The following MICU2 variants were observed in gnomAD, a reference collection of about 807,000 sequenced individuals.
MICU2 encodes the protein calcium uptake protein 2, mitochondrial.
MICU2 carries 64 observed loss-of-function variants against 60.4 expected under a neutral mutation model. The observed-to-expected ratio is 1.06, with a 90% CI of 0.87 to 1.31. The LOEUF (loss-of-function observed/expected upper bound fraction) is 1.31. Ranked by LOEUF, MICU2 falls within the 50% of genes most tolerant of loss-of-function variation. The pLI, the probability that MICU2 is intolerant of heterozygous loss-of-function variation, is 0.00. For synonymous variants in MICU2, 201 were observed against 175.0 expected (o/e 1.15, Z -1.17); for missense variants, 569 against 531.0 (o/e 1.07, Z -0.70).
chr13:21,493,192 A>G lies in MICU2; in HGVS notation c.*57T>C. ...GAAGATAAATAGCAAGTACTTCTAA[A>G]AAATCACAAATTTTGACATTTGGAA... On this transcript the variant is annotated 3_prime_UTR_variant, in exon 12 of 12. Transcript: ENST00000382374. The G allele has an allele frequency of 1.6e-6, 2 of 1,252,478 alleles. No homozygotes were observed. Among genetic ancestry groups the G allele is most frequent in the Non-Finnish European group, 2.2e-6 (2 of 901,376 alleles). The allele number at this position is 1,252,478 out of a possible 1,614,324, so 77.6% of individuals were successfully genotyped here.
chr13:21,573,556 GCCACTGCGCCCAGC>G, intron 1 of MICU2, among the ~76,000 whole-genome samples: 3 of 152,180 alleles, frequency 2.0e-5, no homozygotes, highest in Non-Finnish European at 4.4e-5. Flanking sequence ...ACAGGTGTGA[GCCACTGCGCCCAGC>G]TTGCTGCCAT....
intron 1 of MICU2, among the ~76,000 whole-genome samples, chr13:21,595,391 G>A (rs1888670779): frequency 6.6e-6 from 1 of 152,164 alleles, no homozygotes; most frequent in South Asian, 2.1e-4. Flanking sequence ...GAGCCCAAAG[G>A]CCCTCACAGA....
chr13:21,604,132 C>T lies in MICU2; in HGVS notation c.17G>A (p.Gly6Asp), dbSNP rs1209155739. MAAAAGSCARVAAWGG... is the reference protein window; with the variant it reads MAAAADSCARVAAWGG... The stretch of plus-strand genomic sequence containing the variant: ...CCAGGCCGCCACCCGCGCGCAGCTA[C>T]CCGCAGCCGCCGCCATCTTTGCGGA... Residue 6 changes from glycine to aspartate, a missense_variant, in exon 1 of 12, where the codon GGT becomes GAT. By Grantham distance (94) the Gly-to-Asp change is moderately conservative. Coordinates refer to ENST00000382374, the MANE Select transcript of MICU2 (RefSeq NM_152726.3). The T allele has an allele frequency of 3.2e-6, 5 of 1,562,034 alleles. No homozygotes were observed. The African/African-American group carries it at 6.9e-5, about 22-fold the overall frequency.
chr13:21,514,698 ATTTT>A (rs71202422), intron 6 of MICU2, among the ~76,000 whole-genome samples: 1 of 141,170 alleles, frequency 7.1e-6, no homozygotes, highest in Non-Finnish European at 1.6e-5. Flanking sequence ...ACTCCCGTTA[ATTTT>A]TTTTTTTTTT....
At chr13:21,522,910 A>C (rs577157718) in intron 4 of MICU2, among the ~76,000 whole-genome samples, 2 of 152,212 alleles carry the variant, frequency 1.3e-5, no homozygotes, top group African/African-American at 4.8e-5. Context: ...CACAGACTGA[A>C]CATCTTGAGT....
At chr13:21,530,768 C>G in intron 4 of MICU2, 1 of 625,494 alleles carries the variant, frequency 1.6e-6, no homozygotes, top group Non-Finnish European at 2.8e-6. Flanking sequence ...GCCATACCCA[C>G]CACCGCCCCA....
At chr13:21,568,562 CAT>C (rs1888035786) in intron 1 of MICU2, among the ~76,000 whole-genome samples, 1 of 152,184 alleles carries the variant, frequency 6.6e-6, no homozygotes, top group South Asian at 2.1e-4. Context: ...GGCAAATATA[CAT>C]GTTTTCAACC....
intron 4 of MICU2, among the ~76,000 whole-genome samples, chr13:21,537,334 T>C (rs1887154809): frequency 6.6e-6 from 1 of 152,206 alleles, no homozygotes; most frequent in African/African-American, 2.4e-5. Flanking sequence ...TCATAATCTA[T>C]GTTCTCTTCT....
intron 1 of MICU2, among the ~76,000 whole-genome samples, chr13:21,571,141 T>C (rs893502355): frequency 1.3e-5 from 2 of 152,100 alleles, no homozygotes; most frequent in African/African-American, 4.8e-5. Flanking sequence ...GAACTAACCA[T>C]GTTGCTTCGG....
intron 1 of MICU2, among the ~76,000 whole-genome samples, chr13:21,575,724 T>C: frequency 1.2e-5 from 1 of 84,242 alleles, no homozygotes; most frequent in African/African-American, 5.1e-5. Flanking sequence ...AGTGAGACTC[T>C]GTCTCAAAAA....
intron 1 of MICU2, among the ~76,000 whole-genome samples, chr13:21,570,002 GT>G (rs1019305564): frequency 6.6e-6 from 1 of 152,078 alleles, no homozygotes; most frequent in Non-Finnish European, 1.5e-5. Context: ...AGTTGGGAAA[GT>G]TTTTATGAAA....
At chr13:21,546,530 G>T (rs993197927) in intron 2 of MICU2, among the ~76,000 whole-genome samples, 1 of 152,126 alleles carries the variant, frequency 6.6e-6, no homozygotes. Flanking sequence ...TTACACACAT[G>T]CTATGTGTAA....
intron 11 of MICU2, among the ~76,000 whole-genome samples, chr13:21,494,483 T>C (rs1359247896): frequency 1.3e-5 from 2 of 152,224 alleles, no homozygotes; most frequent in African/African-American, 4.8e-5. Context: ...ATTTACTTCA[T>C]AATCTCAGCC....
At chr13:21,584,615 T>C (rs1237111076) in intron 1 of MICU2, among the ~76,000 whole-genome samples, 1 of 152,158 alleles carries the variant, frequency 6.6e-6, no homozygotes, top group African/African-American at 2.4e-5. Flanking sequence ...CATAGATGTC[T>C]ATGAAAATTT....
intron 1 of MICU2, among the ~76,000 whole-genome samples, chr13:21,589,193 C>G (rs1361564250): frequency 6.6e-6 from 1 of 152,176 alleles, no homozygotes; most frequent in African/African-American, 2.4e-5. Context: ...ATGAGTTAGC[C>G]TGCAACTCAG....
At chr13:21,522,221 G>A (rs762140952) in intron 5 of MICU2, among the ~76,000 whole-genome samples, 3 of 152,234 alleles carry the variant, frequency 2.0e-5, no homozygotes, top group Admixed American at 6.5e-5. Context: ...GTATTTAGCT[G>A]TCATGTCTCC....
intron 1 of MICU2, among the ~76,000 whole-genome samples, chr13:21,601,139 A>G (rs1423021240): frequency 6.6e-6 from 1 of 152,184 alleles, no homozygotes; most frequent in Non-Finnish European, 1.5e-5. Flanking sequence ...GGAAGAGTTT[A>G]CCAACTTGGA....
intron 2 of MICU2, among the ~76,000 whole-genome samples, chr13:21,551,027 C>A (rs1325053545): frequency 6.6e-6 from 1 of 152,214 alleles, no homozygotes; most frequent in Admixed American, 6.5e-5. Context: ...GCCCTACAAT[C>A]TTTTGAATCT....
At chr13:21,582,735 C>G (rs769189982) in intron 1 of MICU2, 2 of 152,494 alleles carry the variant, frequency 1.3e-5, no homozygotes, top group South Asian at 2.1e-4. Context: ...CCACTCACCC[C>G]GTCACTCTCT....
Sources: gnomAD v4.1 joint callset for allele counts (sites outside exome capture counted in the v4.1 genomes callset) on GRCh38, gnomAD v4.1.1 for gene constraint, MANE v1.5 for transcripts, NCBI Gene and HGNC (gene_info 2026-07-23, HGNC 2026-07-21) for gene names.